Variants in TTBK2 observed in about 807,000 individuals in gnomAD.
TTBK2 encodes the protein tau-tubulin kinase 2.
Under a neutral mutation model 110.8 loss-of-function variants are expected in TTBK2, and 28 were observed. The observed-to-expected ratio is 0.25, with a 90% confidence interval of 0.19 to 0.35. The LOEUF is 0.35. Among genes scored for constraint, TTBK2 ranks in the 10% least tolerant of loss-of-function variants. The pLI, the probability that TTBK2 is intolerant of heterozygous loss-of-function variation, is 1.00. For missense variants in TTBK2, 1,369 were observed against 1,500.3 expected, an observed-to-expected ratio of 0.91 and a Z score of 1.45; for synonymous variants, 532 against 527.3, an observed-to-expected ratio of 1.01 and a Z score of -0.12.
intron 4 of TTBK2, among the ~76,000 whole-genome samples, chr15:42,838,086 T>C (rs1193283860): frequency 1.3e-5 from 2 of 152,056 alleles, no homozygotes; most frequent in South Asian, 2.1e-4. Context: ...CGACTACCTG[T>C]AATCCCAGCT....
intron 1 of TTBK2, among the ~76,000 whole-genome samples, chr15:42,905,116 C>T (rs967845415): frequency 6.6e-6 from 1 of 152,034 alleles, no homozygotes; most frequent in Non-Finnish European, 1.5e-5. Context: ...AAGTGCTATC[C>T]GCCCATCTTG....
chr15:42,801,026 C>T (rs961642123), intron 9 of TTBK2: 2 of 765,720 alleles, frequency 2.6e-6, no homozygotes, highest in African/African-American at 3.4e-5. Flanking sequence ...CGATCTTCTT[C>T]ATGACCACGG....
chr15:42,787,855 C>A (rs1209059139), intron 10 of TTBK2, among the ~76,000 whole-genome samples: 6 of 152,112 alleles, frequency 3.9e-5, no homozygotes. Context: ...TACATTCTAA[C>A]AAATGCCATC....
In TTBK2 at chr15:42,865,706, CCA is replaced by C. The variant is rs1284433252; in HGVS notation, c.217+6903_217+6904del. On this transcript the variant is annotated intron_variant, in intron 3 of 14. Transcript: ENST00000267890. ...GGCATGGCAGCACAGACCTGTAGTCCCAGTTACTCAGGAAGCCAAAGCAAGAG... is the reference window on the plus strand; with the variant it reads ...GGCATGGCAGCACAGACCTGTAGTCCGTTACTCAGGAAGCCAAAGCAAGAG... Among the ~76,000 whole-genome samples, 4 of 150,822 alleles carry C rather than the reference CCA, an allele frequency of 2.7e-5. No individual in the cohort carries two copies. In the East Asian group the frequency reaches 7.9e-4, roughly 30 times the overall value.
Position 42,746,041 on chromosome 15 carries a change from C to T in TTBK2, c.3489G>A (p.Thr1163=), listed in dbSNP as rs376907182. 21 of 1,613,958 alleles carry T rather than the reference C, an allele frequency of 1.3e-5. No individual in the cohort carries two copies. The highest frequency in any genetic ancestry group is 2.7e-5 in the African/African-American group (2 of 74,864). Residue 1163 remains threonine, a synonymous_variant, in exon 15 of 15, where the codon ACG becomes ACA. Coordinates refer to ENST00000267890, the MANE Select transcript of TTBK2 (RefSeq NM_173500.4). Reference sequence around the variant, plus strand: ...CAGCCCTAGATGGTGAGGAACTAGACGTGCGAGGCAAGGATGAGCTTCGAG... The same window carrying T: ...CAGCCCTAGATGGTGAGGAACTAGATGTGCGAGGCAAGGATGAGCTTCGAG... ...ASPRSSSLPR[T]SSSSPSRAGR... is the part of the protein sequence containing the mutation.
chr15:42,859,781 A>T (rs1894083400), intron 3 of TTBK2, among the ~76,000 whole-genome samples: 1 of 152,244 alleles, frequency 6.6e-6, no homozygotes, highest in Non-Finnish European at 1.5e-5. Flanking sequence ...AAACAATCAG[A>T]TCAGGAATTT....
At chr15:42,799,018 C>T (rs1186864977) in intron 9 of TTBK2, among the ~76,000 whole-genome samples, 2 of 152,100 alleles carry the variant, frequency 1.3e-5, no homozygotes, top group Non-Finnish European at 2.9e-5. Flanking sequence ...TGGGGCATTT[C>T]GGATTTTCGA....
chr15:42,777,389 T>G, intron 11 of TTBK2, 147 bp from the exon 12 acceptor site: 1 of 742,386 alleles, frequency 1.3e-6, no homozygotes, highest in Non-Finnish European at 2.2e-6. Flanking sequence ...CTTCATTACA[T>G]TCTTATCTAT....
At chr15:42,797,203 C>A (rs1056509357) in intron 9 of TTBK2, among the ~76,000 whole-genome samples, 8 of 152,220 alleles carry the variant, frequency 5.3e-5, no homozygotes, top group African/African-American at 1.9e-4. Flanking sequence ...GCTATGTGAG[C>A]ACTTAGACTG....
At chr15:42,776,426 T>C (rs1274311933) in intron 12 of TTBK2, among the ~76,000 whole-genome samples, 1 of 152,264 alleles carries the variant, frequency 6.6e-6, no homozygotes, top group Non-Finnish European at 1.5e-5. Context: ...GTAGGGATAA[T>C]GTGCCTCAAA....
At chr15:42,765,645 G>A (rs1889330241) in intron 13 of TTBK2, among the ~76,000 whole-genome samples, 1 of 152,202 alleles carries the variant, frequency 6.6e-6, no homozygotes, top group South Asian at 2.1e-4. Context: ...CATTTGATTG[G>A]TGTACCTGAA....
chr15:42,915,116 C>T (rs751138919), intron 1 of TTBK2, among the ~76,000 whole-genome samples: 6 of 152,312 alleles, frequency 3.9e-5, no homozygotes, highest in East Asian at 1.9e-4. Flanking sequence ...TTCAGTTACC[C>T]GTGGTCAACC....
chr15:42,807,103 A>G (rs920198471), intron 9 of TTBK2, among the ~76,000 whole-genome samples: 2 of 152,354 alleles, frequency 1.3e-5, no homozygotes, highest in Non-Finnish European at 2.9e-5. Flanking sequence ...CCCCAAAGCA[A>G]GAGGCAAATC....
intron 12 of TTBK2, chr15:42,776,795 T>A: frequency 1.7e-6 from 1 of 586,752 alleles, no homozygotes; most frequent in East Asian, 2.8e-5. Context: ...CTCTTACTGC[T>A]CAGCTTCCAA....
chr15:42,887,912 T>C (rs148456351), intron 1 of TTBK2, among the ~76,000 whole-genome samples: 7 of 145,612 alleles, frequency 4.8e-5, no homozygotes, highest in Non-Finnish European at 3.0e-5. Flanking sequence ...TACCTCGGCA[T>C]AATTCTCATG....
intron 1 of TTBK2, among the ~76,000 whole-genome samples, chr15:42,881,498 T>C (rs1895048732): frequency 1.3e-5 from 2 of 151,698 alleles, no homozygotes; most frequent in Non-Finnish European, 2.9e-5. Flanking sequence ...AGGAAAAATA[T>C]TCCAAAAAAT....
chr15:42,812,421 T>A (rs1891762321), intron 7 of TTBK2, among the ~76,000 whole-genome samples: 1 of 152,208 alleles, frequency 6.6e-6, no homozygotes, highest in Non-Finnish European at 1.5e-5. Context: ...ATTTGGGGGT[T>A]AAATATATAC....
chr15:42,821,123 A>G (rs192563487), intron 6 of TTBK2, among the ~76,000 whole-genome samples: 14 of 152,340 alleles, frequency 9.2e-5, no homozygotes, highest in Admixed American at 7.2e-4. Context: ...AAAAAAAGAA[A>G]GGTATAGAAT....
Position 42,783,631 on chromosome 15 carries a change from C to A in TTBK2, c.985G>T (p.Ala329Ser). Reference sequence around the variant, plus strand: ...TCTCCAGGGATGGGAGTAGCATTGGCAATTCTACATATGAAGGGAGAAAAA... The same window carrying A: ...TCTCCAGGGATGGGAGTAGCATTGGAAATTCTACATATGAAGGGAGAAAAA... ...TRLTPAAIGI[A>S]NATPIPGDLL... The change falls in exon 11 of 15, where the codon GCC becomes TCC. Residue 329 changes from alanine to serine, a missense_variant. By Grantham distance (99) the Ala-to-Ser change is moderately conservative. This residue lies in a region of TTBK2 where 1,097 missense variants were observed against 1,114.7 expected (regional missense o/e 0.98). Coordinates refer to ENST00000267890, the MANE Select transcript of TTBK2 (RefSeq NM_173500.4). 2 of 1,610,840 alleles carry A rather than the reference C, an allele frequency of 1.2e-6. No individual in the cohort carries two copies. Among genetic ancestry groups the A allele is most frequent in the Non-Finnish European group, 1.7e-6 (2 of 1,178,894 alleles).
Sources: allele counts gnomAD v4.1 joint callset (sites outside exome capture counted in the v4.1 genomes callset), GRCh38; gene constraint gnomAD v4.1.1; regional missense constraint gnomAD v4.1.1; transcripts MANE v1.5; gene names NCBI Gene and HGNC (gene_info 2026-07-23, HGNC 2026-07-21).